Variants in DSCAM observed in about 807,000 individuals in gnomAD.
DSCAM encodes cell adhesion molecule DSCAM.
Under a neutral mutation model 217.7 loss-of-function variants are expected in DSCAM, and 47 were observed. The ratio of observed to expected loss-of-function variants is 0.22; its 90% confidence interval spans 0.17 to 0.28. The LOEUF (loss-of-function observed/expected upper bound fraction) is 0.28, where lower values mean the gene tolerates loss of function less well. Among genes scored for constraint, DSCAM ranks in the 10% least tolerant of loss-of-function variants. DSCAM has a pLI of 1.00. For missense variants in DSCAM, 2,080 were observed against 2,618.3 expected, an observed-to-expected ratio of 0.79 and a Z score of 4.49; for synonymous variants, 1,056 against 1,015.3, an observed-to-expected ratio of 1.04 and a Z score of -0.76.
In DSCAM at chr21:40,806,359, C is replaced by CAA. The variant is rs11455227; in HGVS notation, c.43+40258_43+40259dup. ...CCCAGTGCCTGGCACCCTGAAGATG[C>CAA]AAAAAAAAGTGTGTTGACCAATAAG... On this transcript the variant is annotated intron_variant, in intron 1 of 32. Transcript: ENST00000400454. 4.1e-4 allele frequency among the ~76,000 whole-genome samples: 62 copies of CAA among 151,620 alleles called. 1 individual carries two copies. Among genetic ancestry groups the CAA allele is most frequent in the East Asian group, 9.7e-4 (5 of 5,144 alleles).
intron 3 of DSCAM, among the ~76,000 whole-genome samples, chr21:40,628,779 G>C (rs1448214640): frequency 6.6e-6 from 1 of 151,798 alleles, no homozygotes; most frequent in Non-Finnish European, 1.5e-5. Context: ...ACAGGGTCTT[G>C]ATCTGTCACC....
intron 11 of DSCAM, among the ~76,000 whole-genome samples, chr21:40,243,470 CT>C (rs141403348): frequency 1.4e-3 from 215 of 152,228 alleles, no homozygotes; most frequent in African/African-American, 5.1e-3. Context: ...CACATATTAC[CT>C]GTACAGGAGA....
chr21:40,681,388 C>T (rs1365955166), intron 3 of DSCAM, among the ~76,000 whole-genome samples: 1 of 152,064 alleles, frequency 6.6e-6, no homozygotes, highest in Non-Finnish European at 1.5e-5. Context: ...ATGCTGGCGC[C>T]GCCGGGGACA....
intron 11 of DSCAM, among the ~76,000 whole-genome samples, chr21:40,222,622 CAG>C (rs1227819152): frequency 6.6e-6 from 1 of 152,186 alleles, no homozygotes; most frequent in Non-Finnish European, 1.5e-5. Flanking sequence ...AGCCAGACTT[CAG>C]AGATTTTCAA....
intron 14 of DSCAM, among the ~76,000 whole-genome samples, chr21:40,184,957 G>A (rs775485858): frequency 1.2e-4 from 18 of 152,150 alleles, no homozygotes; most frequent in Non-Finnish European, 1.0e-4. Flanking sequence ...CGAGGAAGGC[G>A]TTTTCAATGT....
At chr21:40,497,917 G>A (rs996992899) in intron 3 of DSCAM, among the ~76,000 whole-genome samples, 6 of 152,142 alleles carry the variant, frequency 3.9e-5, no homozygotes, top group East Asian at 1.9e-4. Context: ...TCAAAATAAC[G>A]TGGATTTTGA....
chr21:40,484,129 C>T (rs1041142998), intron 3 of DSCAM, among the ~76,000 whole-genome samples: 1 of 152,202 alleles, frequency 6.6e-6, no homozygotes, highest in African/African-American at 2.4e-5. Context: ...GCAGGTTCCC[C>T]ACCTATAAAC....
At chr21:40,143,954 A>G (rs2090323349) in intron 17 of DSCAM, among the ~76,000 whole-genome samples, 1 of 152,166 alleles carries the variant, frequency 6.6e-6, no homozygotes, top group Non-Finnish European at 1.5e-5. Context: ...TTCAAGCACT[A>G]CTGGAAATTT....
chr21:40,160,836 A>G (rs1568974705), intron 16 of DSCAM, among the ~76,000 whole-genome samples: 1 of 152,220 alleles, frequency 6.6e-6, no homozygotes, highest in Non-Finnish European at 1.5e-5. Context: ...TTTTGTGTTC[A>G]TCCAGACTCA....
chr21:40,617,012 G>A lies in DSCAM; in HGVS notation c.508+75798C>T, dbSNP rs1244364387. On this transcript the variant is annotated intron_variant, in intron 3 of 32. Transcript: ENST00000400454. ...AGCCTGGGCGACAGAGCAAGACTCC[G>A]TCTCAAAAAAAAAAAAAAAAAGAAT... Among the ~76,000 whole-genome samples the A allele has an allele frequency of 1.8e-3, 149 of 82,150 alleles. 2 individuals carry two copies. Among genetic ancestry groups the A allele is most frequent in the African/African-American group, 6.5e-3 (137 of 20,970 alleles). 53.9% of individuals were successfully genotyped at this position (82,150 alleles called of 152,430 possible).
At chr21:40,635,158 G>A (rs570821765) in intron 3 of DSCAM, among the ~76,000 whole-genome samples, 1 of 152,272 alleles carries the variant, frequency 6.6e-6, no homozygotes, top group African/African-American at 2.4e-5. Flanking sequence ...ACAGAGAGGG[G>A]ACAGACAAGG....
At chr21:40,705,274 G>T (rs2090700066) in intron 2 of DSCAM, among the ~76,000 whole-genome samples, 1 of 152,176 alleles carries the variant, frequency 6.6e-6, no homozygotes, top group Non-Finnish European at 1.5e-5. Context: ...TGCAGATTTT[G>T]ATATTCTTTA....
chr21:40,450,518 G>T (rs762747985), intron 3 of DSCAM, among the ~76,000 whole-genome samples: 89 of 152,250 alleles, frequency 5.8e-4, no homozygotes, highest in Non-Finnish European at 7.8e-4. Flanking sequence ...TATTTACAGG[G>T]ATAAAGCCCT....
rs1207227559 is a variant in DSCAM, at chr21:40,078,775, G to A, written c.4623C>T (p.Ala1541=). The change falls in exon 26 of 33, where the codon GCC becomes GCT. Residue 1541 remains alanine, a synonymous_variant. Transcript: ENST00000400454. The stretch of plus-strand genomic sequence containing the variant: ...CCCGCATCTGCAGCTCATACCAGGT[G>A]GCTTCCTGCAGGTCATACAGGATGT... ...KSYILYDLQE[A]TWYELQMRVC... is the part of the protein sequence containing the mutation. 1 of 1,614,256 alleles carries A rather than the reference G, an allele frequency of 6.2e-7. No individual in the cohort carries two copies.
intron 3 of DSCAM, among the ~76,000 whole-genome samples, chr21:40,587,866 A>G (rs2076957771): frequency 6.6e-6 from 1 of 152,160 alleles, no homozygotes; most frequent in African/African-American, 2.4e-5. Flanking sequence ...TGGCAAGATC[A>G]AAGCCCAGCA....
intron 5 of DSCAM, among the ~76,000 whole-genome samples, chr21:40,350,341 A>G (rs901017091): frequency 1.3e-5 from 2 of 152,320 alleles, no homozygotes. Flanking sequence ...AACTATCAGA[A>G]TGAACAGGCA....
At chr21:40,102,706 A>C (rs931558576) in intron 20 of DSCAM, among the ~76,000 whole-genome samples, 1 of 152,238 alleles carries the variant, frequency 6.6e-6, no homozygotes, top group Non-Finnish European at 1.5e-5. Context: ...GGTCATGTCT[A>C]TAAAACTAGA....
At chr21:40,330,807 G>T (rs540261884) in intron 8 of DSCAM, among the ~76,000 whole-genome samples, 1 of 152,012 alleles carries the variant, frequency 6.6e-6, no homozygotes, top group East Asian at 1.9e-4. Flanking sequence ...TCACATTAGG[G>T]TATTAAATTA....
chr21:40,766,657 AAAC>A (rs1455355707), intron 1 of DSCAM, among the ~76,000 whole-genome samples: 3 of 147,248 alleles, frequency 2.0e-5, no homozygotes, highest in Non-Finnish European at 3.0e-5. Flanking sequence ...TAAAAAGACA[AAAC>A]AACAATTCCA....
Sources: allele counts gnomAD v4.1 joint callset (sites outside exome capture counted in the v4.1 genomes callset), GRCh38; gene constraint gnomAD v4.1.1; transcripts MANE v1.5; gene names NCBI Gene and HGNC (gene_info 2026-07-23, HGNC 2026-07-21).